Variants in NSF observed in about 807,000 individuals in gnomAD.
The protein encoded by NSF is N-ethylmaleimide sensitive factor, vesicle fusing ATPase.
Under a neutral mutation model 50.3 loss-of-function variants are expected in NSF, and 14 were observed. The observed-to-expected ratio is 0.28, with a 90% CI of 0.18 to 0.44. The LOEUF is 0.44. NSF is among the 20% of genes least tolerant of loss of function. The pLI, the probability that NSF is intolerant of heterozygous loss-of-function variation, is 1.00. For synonymous variants in NSF, 109 were observed against 175.7 expected (o/e 0.62, Z 3.00); for missense variants, 218 against 504.3 (o/e 0.43, Z 5.44).
intron 15 of NSF, among the ~76,000 whole-genome samples, chr17:46,720,231 C>T (rs1022676292): frequency 2.6e-5 from 4 of 152,190 alleles, no homozygotes; most frequent in African/African-American, 7.2e-5. Context: ...GAAGTGGGCA[C>T]TCCGGAAGTG....
At chr17:46,633,333 G>GT (rs1768034619) in intron 4 of NSF, among the ~76,000 whole-genome samples, 2 of 77,454 alleles carry the variant, frequency 2.6e-5, no homozygotes, top group Non-Finnish European at 5.3e-5. Flanking sequence ...TTTTTTTTTT[G>GT]TTTTTTTGAC....
At chr17:46,750,580 C>T (rs999907185) in intron 18 of NSF, among the ~76,000 whole-genome samples, 2 of 152,104 alleles carry the variant, frequency 1.3e-5, no homozygotes, top group Non-Finnish European at 2.9e-5. Context: ...CAGTTGTTTT[C>T]AGGAATTAGA....
At chr17:46,638,558 G>A (rs1364495744) in intron 5 of NSF, among the ~76,000 whole-genome samples, 1 of 83,816 alleles carries the variant, frequency 1.2e-5, no homozygotes, top group African/African-American at 6.0e-5. Context: ...TGTACTTTTA[G>A]TAGAGATGGG....
At chr17:46,707,804 G>A (rs1014997927) in intron 13 of NSF, among the ~76,000 whole-genome samples, 3 of 151,984 alleles carry the variant, frequency 2.0e-5, no homozygotes, top group Admixed American at 6.6e-5. Context: ...GATTGAGGTG[G>A]GTGGGTCACC....
In NSF at chr17:46,726,035, G is replaced by A. The variant is rs145174521; in HGVS notation, c.1762-514G>A. 3.1e-3 allele frequency among the ~76,000 whole-genome samples: 465 copies of A among 152,122 alleles called. 2 individuals carry two copies. Among genetic ancestry groups the A allele is most frequent in the African/African-American group, 0.011 (452 of 41,500 alleles). The stretch of plus-strand genomic sequence containing the variant: ...TCATATCTTTTGTCTGGTTTTATAC[G>A]TACATCTATCTGATCCTTCATACTC... On this transcript the variant is annotated intron_variant, in intron 15 of 20. Transcript: ENST00000398238.
chr17:46,755,881 T>G lies in NSF; in HGVS notation c.*58T>G. On this transcript the variant is annotated 3_prime_UTR_variant, in exon 21 of 21. Transcript: ENST00000398238. ...GGAAGTGACCAAGGTGAAGATGGCC[T>G]AGGATCTTCACTGTCTTACTCAAGA... 6.5e-7 allele frequency: 1 copy of G among 1,538,064 alleles called. No individual in the cohort carries two copies. Among genetic ancestry groups the G allele is most frequent in the Non-Finnish European group, 8.9e-7 (1 of 1,117,780 alleles).
At chr17:46,734,908 G>A (rs1414520733) in intron 17 of NSF, among the ~76,000 whole-genome samples, 3 of 152,032 alleles carry the variant, frequency 2.0e-5, no homozygotes, top group South Asian at 2.1e-4. Context: ...AAAGTTAGTC[G>A]AATGTGGTGG....
chr17:46,718,968 T>C (rs1289319064), intron 15 of NSF, among the ~76,000 whole-genome samples: 2 of 152,216 alleles, frequency 1.3e-5, no homozygotes, highest in Non-Finnish European at 1.5e-5. Flanking sequence ...TCAAAACTCT[T>C]AGGTAAAAAA....
At chr17:46,718,249 T>G (rs1468322757) in intron 15 of NSF, among the ~76,000 whole-genome samples, 3 of 152,214 alleles carry the variant, frequency 2.0e-5, no homozygotes, top group African/African-American at 7.2e-5. Context: ...CCTGCATTTC[T>G]TGTCATGCCA....
Position 46,630,459 on chromosome 17 carries a change from AT to A in NSF, c.238+15del. 6.7e-6 allele frequency: 2 copies of A among 297,462 alleles called. No individual in the cohort carries two copies. Among genetic ancestry groups the A allele is most frequent in the Non-Finnish European group, 4.9e-6 (1 of 205,810 alleles). 18.4% of individuals were successfully genotyped at this position (297,462 alleles called of 1,614,324 possible). A position where few individuals can be genotyped will look rare whatever the true frequency, so the allele number is the denominator to read the frequency against. ...TGGGCAAGAAATAGAAGGTAGGTAT[AT>A]TTTTTAGCCACCTGATAAAGATTTT... On this transcript the variant is annotated intron_variant, in intron 4 of 20. Coordinates refer to ENST00000398238, the MANE Select transcript of NSF (RefSeq NM_006178.4).
intron 15 of NSF, among the ~76,000 whole-genome samples, chr17:46,714,568 G>C (rs550350866): frequency 6.6e-6 from 1 of 152,262 alleles, no homozygotes; most frequent in East Asian, 1.9e-4. Context: ...GCATAGAATA[G>C]AATCCTAGAG....
chr17:46,679,077 T>C (rs1375372185), intron 9 of NSF, among the ~76,000 whole-genome samples: 9 of 152,044 alleles, frequency 5.9e-5, no homozygotes, highest in African/African-American at 2.2e-4. Context: ...ACCTAAAGTA[T>C]AGTGTTTAAC....
chr17:46,721,538 T>G, intron 15 of NSF: 1 of 1,190,182 alleles, frequency 8.4e-7, no homozygotes, highest in Non-Finnish European at 1.2e-6. Flanking sequence ...ACATTCTTTT[T>G]CTGTGTGTGT....
chr17:46,736,230 G>A (rs541366365), intron 17 of NSF, among the ~76,000 whole-genome samples: 1 of 152,306 alleles, frequency 6.6e-6, no homozygotes, highest in Non-Finnish European at 1.5e-5. Flanking sequence ...AGTAGGAAGT[G>A]GAGACAGGAA....
intron 17 of NSF, among the ~76,000 whole-genome samples, chr17:46,734,635 GTA>G (rs1268541854): frequency 1.3e-5 from 2 of 152,112 alleles, no homozygotes; most frequent in Non-Finnish European, 2.9e-5. Context: ...TATAGTGAAT[GTA>G]TAGTGATCAA....
At chr17:46,717,604 C>T (rs1460477397) in intron 15 of NSF, among the ~76,000 whole-genome samples, 2 of 152,102 alleles carry the variant, frequency 1.3e-5, no homozygotes, top group Non-Finnish European at 2.9e-5. Context: ...GCCAGCTACT[C>T]AGGAGGCTGA....
intron 17 of NSF, among the ~76,000 whole-genome samples, chr17:46,744,581 A>G (rs1325158531): frequency 6.6e-6 from 1 of 151,874 alleles, no homozygotes; most frequent in Admixed American, 6.6e-5. Context: ...CAGCCCTTCC[A>G]TTTCACTGCA....
In NSF at chr17:46,738,146, C is replaced by G. The variant is rs577413265; in HGVS notation, c.1908+9212C>G. 2.0e-5 allele frequency among the ~76,000 whole-genome samples: 3 copies of G among 152,140 alleles called. No homozygotes were observed. The East Asian group carries it at 5.8e-4, about 29-fold the overall frequency. On this transcript the variant is annotated intron_variant, in intron 17 of 20. Transcript: ENST00000398238. The stretch of plus-strand genomic sequence containing the variant: ...ACAGGGTTTTGCCATGTTACCCAGG[C>G]TGGTCTCAAACTCCTGGGCTCAAGC...
In NSF at chr17:46,719,109, G is replaced by T. The variant is rs1011123496; in HGVS notation, c.1761+5123G>T. Among the ~76,000 whole-genome samples the T allele has an allele frequency of 1.3e-5, 2 of 152,174 alleles. No homozygotes were observed. The highest frequency in any genetic ancestry group is 4.8e-5 in the African/African-American group (2 of 41,434). On this transcript the variant is annotated intron_variant, in intron 15 of 20. Transcript: ENST00000398238. The surrounding 1 kb of genome is among the most constrained non-coding windows in gnomAD (Gnocchi z 4.3). Reference sequence around the variant, plus strand: ...GATATTATTAAAATATTTTTTGCCAGTTGGATAAGCAGAAGGTTGGCATTT... The same window carrying T: ...GATATTATTAAAATATTTTTTGCCATTTGGATAAGCAGAAGGTTGGCATTT...
Sources: allele counts gnomAD v4.1 joint callset (sites outside exome capture counted in the v4.1 genomes callset), GRCh38; gene constraint gnomAD v4.1.1; non-coding constraint Gnocchi (gnomAD v3.1); transcripts MANE v1.5; gene names NCBI Gene and HGNC (gene_info 2026-07-23, HGNC 2026-07-21).